The following ITGAM variants were observed in gnomAD, a reference collection of about 807,000 sequenced individuals.
The protein encoded by ITGAM is integrin alpha-M.
Under a neutral mutation model 137.5 loss-of-function variants are expected in ITGAM, and 79 were observed. The observed-to-expected ratio is 0.57, with a 90% CI of 0.48 to 0.69. ITGAM has a LOEUF of 0.69. Ranked by LOEUF, ITGAM falls within the 30% of genes least tolerant of loss-of-function variation. ITGAM has a pLI of 0.00. For synonymous variants in ITGAM, 583 were observed against 592.3 expected, an observed-to-expected ratio of 0.98 and a Z score of 0.23; for missense variants, 1,343 against 1,483.5, an observed-to-expected ratio of 0.91 and a Z score of 1.56.
chr16:31,310,446 C>A (rs992497319), intron 14 of ITGAM, among the ~76,000 whole-genome samples: 2 of 152,222 alleles, frequency 1.3e-5, no homozygotes, highest in East Asian at 3.9e-4. Context: ...TCATTCATTT[C>A]GTCTTCCATC....
At position 31,276,893 on chromosome 16, in the gene ITGAM, A is replaced by G. The variant is rs557620161; in HGVS notation, c.1084-27A>G. On this transcript the variant is annotated intron_variant, in intron 10 of 29. Transcript: ENST00000544665. Reference sequence around the variant, plus strand: ...AGCGGTTGTCCCTTCTTCCTTCCTCATCAACCCTGTTCTACACCTTTCCCA... The same window carrying G: ...AGCGGTTGTCCCTTCTTCCTTCCTCGTCAACCCTGTTCTACACCTTTCCCA... 3.7e-6 allele frequency: 6 copies of G among 1,604,106 alleles called. No homozygotes were observed. The South Asian group carries it at 5.6e-5, about 15-fold the overall frequency.
intron 12 of ITGAM, among the ~76,000 whole-genome samples, chr16:31,297,005 G>C (rs1036617382): frequency 6.6e-6 from 1 of 152,044 alleles, no homozygotes; most frequent in African/African-American, 2.4e-5. Flanking sequence ...TATATTGAAA[G>C]GGTGGTATTC....
At chr16:31,278,141 A>G (rs769928030) in intron 12 of ITGAM, 32 bp downstream of exon 12, 27 of 1,584,490 alleles carry the variant, frequency 1.7e-5, no homozygotes, top group Non-Finnish European at 2.2e-5. Flanking sequence ...TGAATGTGCA[A>G]ACAGAGGCGC....
chr16:31,327,228 C>A (rs555461789), intron 22 of ITGAM, among the ~76,000 whole-genome samples: 2 of 152,174 alleles, frequency 1.3e-5, no homozygotes, highest in East Asian at 3.9e-4. Flanking sequence ...GTATGAGATG[C>A]AAGATTAGAT....
chr16:31,276,898 C>G, intron 10 of ITGAM, 22 bp from the exon 11 acceptor site: 1 of 1,606,370 alleles, frequency 6.2e-7, no homozygotes, highest in Non-Finnish European at 8.5e-7. Flanking sequence ...TCCTCATCAA[C>G]CCTGTTCTAC....
chr16:31,266,893 A>G (rs968243248), intron 5 of ITGAM, among the ~76,000 whole-genome samples: 2 of 146,090 alleles, frequency 1.4e-5, no homozygotes, highest in African/African-American at 5.0e-5. Context: ...TTTGAGGCAG[A>G]GTCTCGCTCT....
chr16:31,324,981 C>A lies in ITGAM; in HGVS notation c.2313C>A (p.Gly771=). The change falls in exon 19 of 30, where the codon GGC becomes GGA. Residue 771 remains glycine (G), a synonymous_variant. Coordinates refer to ENST00000544665, the MANE Select transcript of ITGAM (RefSeq NM_000632.4). This position sits in a 1 kb window ranked among gnomAD's most constrained non-coding sequence, Gnocchi z 4.5. ...TALFPFEKNC[G]NDNICQDDLS... is the part of the protein sequence containing the mutation. Reference sequence around the variant, plus strand: ...AGTTTCCCTTTGAGAAGAATTGTGGCAATGACAACATCTGCCAGGATGACC... The same window carrying A: ...AGTTTCCCTTTGAGAAGAATTGTGGAAATGACAACATCTGCCAGGATGACC... The A allele has an allele frequency of 6.2e-7, 1 of 1,612,762 alleles. No individual in the cohort carries two copies. The highest frequency in any genetic ancestry group is 8.5e-7 in the Non-Finnish European group (1 of 1,179,422).
chr16:31,331,018 A>C, intron 28 of ITGAM, 147 bp from the exon 29 acceptor site: 1 of 596,250 alleles, frequency 1.7e-6, no homozygotes, highest in Non-Finnish European at 3.0e-6. Flanking sequence ...GAGGAGGGAG[A>C]AGAGGTGGGG....
intron 20 of ITGAM, 34 bp downstream of exon 20, chr16:31,325,438 T>A: frequency 6.2e-7 from 1 of 1,612,746 alleles, no homozygotes; most frequent in Non-Finnish European, 8.5e-7. Context: ...TATCTGACCT[T>A]TGCTTCCCCA....
At chr16:31,263,452 A>G (rs1046943295) in intron 2 of ITGAM, among the ~76,000 whole-genome samples, 43 of 152,174 alleles carry the variant, frequency 2.8e-4, no homozygotes, top group Non-Finnish European at 5.4e-4. Flanking sequence ...GGTGGCAGCA[A>G]TTTACACTCA....
At chr16:31,300,485 A>G (rs1402132661) in intron 14 of ITGAM, among the ~76,000 whole-genome samples, 8 of 152,210 alleles carry the variant, frequency 5.3e-5, no homozygotes, top group South Asian at 2.1e-4. Context: ...CAGGTGTGCA[A>G]GTGAAATTTC....
rs1049529807 is a variant in ITGAM at position 31,321,374 on chromosome 16, G to C, written c.1838+3G>C. 3 of 1,613,886 alleles carry C rather than the reference G, an allele frequency of 1.9e-6. No individual in the cohort carries two copies. In the African/African-American group the frequency reaches 4.0e-5, roughly 22 times the overall value. ...CAGGGGCACGTGCTGCTGCTCAGGT[G>C]AGAATGCCTTTTGGAGTCAACCGGA... On this transcript the variant is annotated splice_donor_region_variant and intron_variant, in intron 15 of 29. Transcript: ENST00000544665.
chr16:31,325,170 T>G, intron 19 of ITGAM, 93 bp from the exon 20 acceptor site: 1 of 1,510,078 alleles, frequency 6.6e-7, no homozygotes, highest in Non-Finnish European at 8.9e-7. Flanking sequence ...TGTTGTCTCT[T>G]CATCAAGTGT....
At chr16:31,329,426 A>C in intron 24 of ITGAM, 123 bp downstream of exon 24, 1 of 745,914 alleles carries the variant, frequency 1.3e-6, no homozygotes, top group East Asian at 2.7e-5. Context: ...GCTTGGTTCC[A>C]CGCTGCTATC....
chr16:31,328,273 T>A, intron 23 of ITGAM, 43 bp downstream of exon 23: 1 of 1,434,244 alleles, frequency 7.0e-7, no homozygotes, highest in Non-Finnish European at 9.8e-7. Context: ...ACTTCTGGGC[T>A]GGACATGGCT....
intron 24 of ITGAM, 66 bp downstream of exon 24, chr16:31,329,369 C>G: frequency 8.4e-7 from 1 of 1,184,430 alleles, no homozygotes; most frequent in Non-Finnish European, 1.2e-6. Flanking sequence ...GTAGAAAATG[C>G]AGAAACAGGG....
At chr16:31,267,527 G>A (rs1311035665) in intron 5 of ITGAM, among the ~76,000 whole-genome samples, 1 of 152,152 alleles carries the variant, frequency 6.6e-6, no homozygotes, top group Non-Finnish European at 1.5e-5. Flanking sequence ...CATAATGACA[G>A]CACTCCTGGC....
At position 31,332,230 on chromosome 16, in the gene ITGAM, A is replaced by G. The variant is rs1362326551; in HGVS notation, c.*523A>G. The stretch of plus-strand genomic sequence containing the variant: ...GAGGGAAACACAGCAGCTTCTCTCC[A>G]CTGAAAGAAGTGGGACTTCCCGTCG... On this transcript the variant is annotated 3_prime_UTR_variant, in exon 30 of 30. Transcript: ENST00000544665. 6.6e-6 allele frequency: 1 copy of G among 152,572 alleles called. No homozygotes were observed. Among genetic ancestry groups the G allele is most frequent in the East Asian group, 1.9e-4 (1 of 5,184 alleles). 9.5% of individuals were successfully genotyped at this position (152,572 alleles called of 1,614,324 possible). A position where few individuals can be genotyped will look rare whatever the true frequency, so the allele number is the denominator to read the frequency against.
chr16:31,293,357 C>T (rs1230356505), intron 12 of ITGAM, among the ~76,000 whole-genome samples: 1 of 132,696 alleles, frequency 7.5e-6, no homozygotes, highest in Non-Finnish European at 1.5e-5. Flanking sequence ...AGGTTGTCTT[C>T]CAGGGTTCTT....
Sources: gnomAD v4.1 joint callset for allele counts (sites outside exome capture counted in the v4.1 genomes callset) on GRCh38, gnomAD v4.1.1 for gene constraint, Gnocchi (gnomAD v3.1) non-coding constraint, MANE v1.5 for transcripts, NCBI Gene and HGNC (gene_info 2026-07-23, HGNC 2026-07-21) for gene names.